The following NCKAP5 variants were observed in gnomAD, a reference collection of about 807,000 sequenced individuals.
NCKAP5 encodes the protein nck-associated protein 5.
A neutral mutation model predicts 167.0 loss-of-function variants in NCKAP5; 92 were observed. That is an observed-to-expected ratio of 0.55 (90% CI 0.47 to 0.66). NCKAP5 has a LOEUF of 0.66. Among genes scored for constraint, NCKAP5 ranks in the 30% least tolerant of loss-of-function variants. The pLI, the probability that NCKAP5 is intolerant of heterozygous loss-of-function variation, is 0.00. For synonymous variants in NCKAP5, 891 were observed against 877.4 expected (o/e 1.02, Z -0.27); for missense variants, 2,378 against 2,315.0 (o/e 1.03, Z -0.56).
At chr2:133,625,812 C>A in the NCKAP5 span, among the ~76,000 whole-genome samples, 1 of 147,706 alleles carries the variant, frequency 6.8e-6, no homozygotes, top group Non-Finnish European at 1.5e-5. Context: ...GCGGAGCTTG[C>A]AGTGAGCCGA....
intron 3 of NCKAP5, among the ~76,000 whole-genome samples, chr2:133,434,262 C>T (rs1354852976): frequency 6.6e-6 from 1 of 152,172 alleles, no homozygotes; most frequent in Non-Finnish European, 1.5e-5. Flanking sequence ...GGTTACTTAT[C>T]TTTAAAAACG....
At chr2:133,033,503 A>C (rs1456674101) in intron 6 of NCKAP5, among the ~76,000 whole-genome samples, 1 of 152,218 alleles carries the variant, frequency 6.6e-6, no homozygotes, top group Non-Finnish European at 1.5e-5. Flanking sequence ...TGACCTCACC[A>C]AATGAAATAA....
the NCKAP5 span, among the ~76,000 whole-genome samples, chr2:133,609,581 G>A: frequency 6.6e-6 from 1 of 151,848 alleles, no homozygotes; most frequent in East Asian, 1.9e-4. Flanking sequence ...ATTATCTAGG[G>A]GCCATAAGTG....
chr2:133,073,192 C>T (rs563291070), intron 6 of NCKAP5, among the ~76,000 whole-genome samples: 3 of 152,100 alleles, frequency 2.0e-5, no homozygotes, highest in African/African-American at 4.8e-5. Context: ...TAAAAGAAAA[C>T]GGGGTGTCTG....
intron 3 of NCKAP5, among the ~76,000 whole-genome samples, chr2:133,385,746 A>C (rs1686906386): frequency 6.6e-6 from 1 of 152,046 alleles, no homozygotes; most frequent in Non-Finnish European, 1.5e-5. Context: ...GTCTATTCAG[A>C]GATTCAACTT....
intron 6 of NCKAP5, among the ~76,000 whole-genome samples, chr2:133,041,572 T>C (rs1282453465): frequency 6.6e-6 from 1 of 152,208 alleles, no homozygotes; most frequent in Non-Finnish European, 1.5e-5. Flanking sequence ...ATGTGGTCAT[T>C]AGTCCAAGGT....
intron 3 of NCKAP5, among the ~76,000 whole-genome samples, chr2:133,404,483 T>C (rs1688301584): frequency 6.6e-6 from 1 of 152,138 alleles, no homozygotes; most frequent in South Asian, 2.1e-4. Flanking sequence ...AGATTAACGA[T>C]AACTAATAAT....
intron 6 of NCKAP5, among the ~76,000 whole-genome samples, chr2:133,068,804 TA>T (rs977079287): frequency 6.6e-6 from 1 of 152,208 alleles, no homozygotes; most frequent in Non-Finnish European, 1.5e-5. Flanking sequence ...CTTGCATTGT[TA>T]AATATTTCAG....
chr2:133,548,184 A>C (rs1686921827), intron 2 of NCKAP5, among the ~76,000 whole-genome samples: 3 of 151,980 alleles, frequency 2.0e-5, no homozygotes, highest in Admixed American at 2.0e-4. Flanking sequence ...GAGAAAAAAG[A>C]ATAAAAAGAA....
intron 6 of NCKAP5, among the ~76,000 whole-genome samples, chr2:133,067,495 C>G (rs2080238406): frequency 6.6e-6 from 1 of 152,188 alleles, no homozygotes; most frequent in Admixed American, 6.5e-5. Flanking sequence ...AGAAGCACAA[C>G]ACACAGTGTG....
At chr2:132,972,426 GAAAGCCTTAGT>G (rs1345192010) in intron 7 of NCKAP5, among the ~76,000 whole-genome samples, 4 of 152,126 alleles carry the variant, frequency 2.6e-5, no homozygotes, top group African/African-American at 9.7e-5. Flanking sequence ...CTCTTGCTTA[GAAAGCCTTAGT>G]AATTTAGGCT....
chr2:133,275,706 T>C (rs1285923783), intron 4 of NCKAP5, among the ~76,000 whole-genome samples: 2 of 151,050 alleles, frequency 1.3e-5, no homozygotes, highest in Non-Finnish European at 3.0e-5. Context: ...AAAATATAAA[T>C]AAAATTTCAG....
chr2:133,229,543 G>C (rs370577728), intron 4 of NCKAP5, among the ~76,000 whole-genome samples: 5 of 152,120 alleles, frequency 3.3e-5, no homozygotes, highest in African/African-American at 1.2e-4. Flanking sequence ...ATTACATTCC[G>C]AGTACTTTAC....
At chr2:132,692,109 A>ATTTTG (rs1329844718) in intron 19 of NCKAP5, among the ~76,000 whole-genome samples, 2 of 25,688 alleles carry the variant, frequency 7.8e-5, no homozygotes, top group Non-Finnish European at 1.5e-4. Flanking sequence ...AGCCTGCTTG[A>ATTTTG]TTTTATTTTA....
intron 12 of NCKAP5, 68 bp from the exon 13 acceptor site, chr2:132,790,273 T>A: frequency 7.2e-7 from 1 of 1,390,740 alleles, no homozygotes; most frequent in South Asian, 1.4e-5. Flanking sequence ...CACAACCTTA[T>A]GGTGAGGTAG....
intron 8 of NCKAP5, among the ~76,000 whole-genome samples, chr2:132,884,606 T>C (rs1001117285): frequency 6.6e-6 from 1 of 152,208 alleles, no homozygotes; most frequent in Non-Finnish European, 1.5e-5. Flanking sequence ...TTGGATACCA[T>C]GAATCACGGA....
In NCKAP5 at chr2:133,328,262, C is replaced by T. The variant is rs528946293; in HGVS notation, c.70-25152G>A. ...TGTTCTCAGTCCCCCAAATTCGCTGCGTATCTGCTCTCATTATGTCATTTT... is the reference window on the plus strand; with the variant it reads ...TGTTCTCAGTCCCCCAAATTCGCTGTGTATCTGCTCTCATTATGTCATTTT... On this transcript the variant is annotated intron_variant, in intron 3 of 19. Transcript: ENST00000409261. Among the ~76,000 whole-genome samples the T allele has an allele frequency of 4.6e-5, 7 of 152,256 alleles. No homozygotes were observed. In the South Asian group the frequency reaches 8.3e-4, roughly 18 times the overall value.
chr2:133,268,392 T>C (rs2089341895), intron 4 of NCKAP5: 1 of 152,040 alleles, frequency 6.6e-6, no homozygotes, highest in African/African-American at 2.4e-5. Flanking sequence ...GGTGACTTTA[T>C]AGCTGAGGCA....
At chr2:133,062,509 T>C (rs1573912816) in intron 6 of NCKAP5, among the ~76,000 whole-genome samples, 1 of 152,218 alleles carries the variant, frequency 6.6e-6, no homozygotes, top group Non-Finnish European at 1.5e-5. Context: ...CAGCATCATC[T>C]TAAAGAAATA....
Sources: allele counts gnomAD v4.1 joint callset (sites outside exome capture counted in the v4.1 genomes callset), GRCh38; gene constraint gnomAD v4.1.1; transcripts MANE v1.5; gene names NCBI Gene and HGNC (gene_info 2026-07-23, HGNC 2026-07-21).